CAPS2: variants seen among roughly 807,000 people sequenced by gnomAD.
The protein encoded by CAPS2 is calcyphosine 2.
In CAPS2, 98 loss-of-function variants were observed where a neutral mutation model predicts 86.5. The observed-to-expected ratio is 1.13, with a 90% confidence interval of 0.96 to 1.34. The LOEUF (loss-of-function observed/expected upper bound fraction) is 1.34. CAPS2 is among the 40% of genes most tolerant of loss of function. The pLI is 0.00. For missense variants in CAPS2, 729 were observed against 686.8 expected (o/e 1.06, Z -0.69); for synonymous variants, 210 against 225.1 (o/e 0.93, Z 0.60).
intron 11 of CAPS2, among the ~76,000 whole-genome samples, chr12:75,297,534 T>A (rs766314376): frequency 6.6e-6 from 1 of 152,210 alleles, no homozygotes; most frequent in Non-Finnish European, 1.5e-5. Flanking sequence ...CCTGCCCTTG[T>A]GTATCTAGTC....
At chr12:75,389,978 T>G (rs1314223755) in intron 1 of CAPS2, among the ~76,000 whole-genome samples, 2 of 152,202 alleles carry the variant, frequency 1.3e-5, no homozygotes, top group Admixed American at 1.3e-4. Context: ...AGGTCTATTG[T>G]TTTTCAATTG....
chr12:75,290,546 G>A (rs6582284), intron 13 of CAPS2, among the ~76,000 whole-genome samples: 88,118 of 151,890 alleles, frequency 0.58, 25,881 homozygotes, highest in South Asian at 0.75. Context: ...GAGTCCAAAC[G>A]AAACTTTTCA....
At chr12:75,371,873 G>T (rs180810917) in intron 1 of CAPS2, among the ~76,000 whole-genome samples, 1 of 152,174 alleles carries the variant, frequency 6.6e-6, no homozygotes, top group Non-Finnish European at 1.5e-5. Context: ...TTGTATTTAT[G>T]ACTACCTGTT....
chr12:75,341,098 CT>C (rs776730788), intron 1 of CAPS2, among the ~76,000 whole-genome samples: 28 of 151,954 alleles, frequency 1.8e-4, no homozygotes, highest in Non-Finnish European at 2.5e-4. Context: ...CTTCTGGGCA[CT>C]TTTTCCTTTT....
chr12:75,354,176 G>GGGGGGGA (rs2042998951), intron 1 of CAPS2, among the ~76,000 whole-genome samples: 1 of 131,816 alleles, frequency 7.6e-6, no homozygotes, highest in African/African-American at 2.9e-5. Context: ...AGGGGGGGGG[G>GGGGGGGA]TATTCAAATA....
intron 11 of CAPS2, among the ~76,000 whole-genome samples, chr12:75,296,786 G>A (rs1478244513): frequency 1.3e-5 from 2 of 152,192 alleles, no homozygotes; most frequent in East Asian, 3.9e-4. Context: ...AGAGGGATAG[G>A]GTTGAATATT....
chr12:75,345,180 C>G (rs952946959), intron 1 of CAPS2, among the ~76,000 whole-genome samples: 2 of 152,048 alleles, frequency 1.3e-5, no homozygotes, highest in Admixed American at 1.3e-4. Context: ...ACTCTCATAA[C>G]TATGAGAGTG....
At chr12:75,372,236 G>C (rs59899462) in intron 1 of CAPS2, among the ~76,000 whole-genome samples, 10,440 of 152,016 alleles carry the variant, frequency 0.069, 533 homozygotes, top group African/African-American at 0.14. Context: ...TGGTCTTAAA[G>C]TCCTGACCTC....
intron 1 of CAPS2, among the ~76,000 whole-genome samples, chr12:75,372,652 T>C (rs2044435407): frequency 6.6e-6 from 1 of 152,194 alleles, no homozygotes; most frequent in Non-Finnish European, 1.5e-5. Flanking sequence ...TGGATGCTGA[T>C]TCAGAGCATA....
At chr12:75,317,737 C>T (rs1293941427) in intron 5 of CAPS2, among the ~76,000 whole-genome samples, 1 of 152,040 alleles carries the variant, frequency 6.6e-6, no homozygotes, top group Non-Finnish European at 1.5e-5. Flanking sequence ...ATTTGATATA[C>T]ATATAGATTA....
At chr12:75,350,988 T>C (rs1277033293) in intron 1 of CAPS2, among the ~76,000 whole-genome samples, 1 of 152,018 alleles carries the variant, frequency 6.6e-6, no homozygotes, top group African/African-American at 2.4e-5. Context: ...AATAACCAGT[T>C]TAGAGAGGAA....
chr12:75,364,922 C>CAG (rs1295835933), intron 1 of CAPS2: 1 of 152,078 alleles, frequency 6.6e-6, no homozygotes, highest in African/African-American at 2.4e-5. Context: ...TTTAATTCTA[C>CAG]AGGAATCAGC....
exon 4 of CAPS2, chr12:75,323,059 G>A (rs1189186770): frequency 6.5e-7 from 1 of 1,549,746 alleles, no homozygotes; most frequent in Non-Finnish European, 8.7e-7. Flanking sequence ...CAGGTTTGCT[G>A]TACTAAGTGG....
At chr12:75,380,493 CTACATTGATTATTA>C (rs1566038321) in intron 1 of CAPS2, among the ~76,000 whole-genome samples, 2 of 152,088 alleles carry the variant, frequency 1.3e-5, no homozygotes, top group African/African-American at 4.8e-5. Flanking sequence ...GCTAGGGAAA[CTACATTGATTATTA>C]TAAGAATAAC....
intron 1 of CAPS2, among the ~76,000 whole-genome samples, chr12:75,352,362 G>C (rs1282479112): frequency 6.6e-6 from 1 of 152,162 alleles, no homozygotes; most frequent in African/African-American, 2.4e-5. Context: ...CCTAGTTTCT[G>C]ATAAAACAAA....
At chr12:75,357,789 T>C (rs2043249111) in intron 1 of CAPS2, among the ~76,000 whole-genome samples, 1 of 151,652 alleles carries the variant, frequency 6.6e-6, no homozygotes, top group South Asian at 2.1e-4. Context: ...AAAAAGAAGT[T>C]AGAAAGTATG....
intron 1 of CAPS2, among the ~76,000 whole-genome samples, chr12:75,351,061 T>A (rs1186176600): frequency 6.6e-6 from 1 of 152,122 alleles, no homozygotes; most frequent in African/African-American, 2.4e-5. Flanking sequence ...ATCACAAGTA[T>A]CAATATCCAA....
intron 1 of CAPS2, among the ~76,000 whole-genome samples, chr12:75,342,877 G>A (rs532841417): frequency 1.8e-4 from 27 of 152,044 alleles, no homozygotes; most frequent in East Asian, 1.9e-4. Context: ...TCAGCATAGA[G>A]ATCTTGTATA....
intron 1 of CAPS2, among the ~76,000 whole-genome samples, chr12:75,367,901 C>T (rs2044091437): frequency 6.6e-6 from 1 of 152,094 alleles, no homozygotes; most frequent in Admixed American, 6.5e-5. Context: ...CAATGTTTCA[C>T]CATTGTGTAT....
Sources: gnomAD v4.1 joint callset for allele counts (sites outside exome capture counted in the v4.1 genomes callset) on GRCh38, gnomAD v4.1.1 for gene constraint, MANE v1.5 for transcripts, NCBI Gene and HGNC (gene_info 2026-07-23, HGNC 2026-07-21) for gene names.